Variants in TTLL5 observed in about 807,000 individuals in gnomAD.
TTLL5 encodes tubulin tyrosine ligase like 5.
In TTLL5, 132 loss-of-function variants were observed where a neutral mutation model predicts 168.4. The ratio of observed to expected loss-of-function variants is 0.78; its 90% CI spans 0.68 to 0.91. The LOEUF (loss-of-function observed/expected upper bound fraction) is 0.91, where lower values mean the gene tolerates loss of function less well. TTLL5 is among the 40% of genes least tolerant of loss of function. TTLL5 has a pLI of 0.00. For missense variants in TTLL5, 1,545 were observed against 1,581.5 expected, an observed-to-expected ratio of 0.98 and a Z score of 0.39; for synonymous variants, 546 against 558.6, an observed-to-expected ratio of 0.98 and a Z score of 0.32.
At chr14:75,763,275 G>C (rs1407402811) in intron 18 of TTLL5, among the ~76,000 whole-genome samples, 1 of 151,910 alleles carries the variant, frequency 6.6e-6, no homozygotes. Flanking sequence ...GTGTGTGTGT[G>C]TGTGTGTGTG....
chr14:75,696,389 A>C (rs534151964), intron 6 of TTLL5, among the ~76,000 whole-genome samples: 1 of 152,336 alleles, frequency 6.6e-6, no homozygotes, highest in South Asian at 2.1e-4. Context: ...GAGGTATTAA[A>C]TGAGTGACAT....
intron 29 of TTLL5, among the ~76,000 whole-genome samples, chr14:75,869,819 G>GTTTTTTTTTTTTTTT (rs1232447597): frequency 1.1e-4 from 2 of 18,440 alleles, no homozygotes; most frequent in Non-Finnish European, 1.9e-4. Flanking sequence ...CATTCAACAA[G>GTTTTTTTTTTTTTTT]TATTTTTTTT....
At chr14:75,827,704 G>GTTTTTTT (rs1566621341) in intron 28 of TTLL5, among the ~76,000 whole-genome samples, 22 of 92,522 alleles carry the variant, frequency 2.4e-4, no homozygotes, top group East Asian at 1.1e-3. Flanking sequence ...ATTTGGCTTG[G>GTTTTTTT]TTCTTTTTTT....
chr14:75,872,650 C>G (rs751669858), intron 29 of TTLL5, among the ~76,000 whole-genome samples: 1 of 152,050 alleles, frequency 6.6e-6, no homozygotes, highest in Non-Finnish European at 1.5e-5. Context: ...TGGCTCACAC[C>G]CATAATCCCA....
chr14:75,931,808 C>G (rs1047943069), intron 31 of TTLL5, among the ~76,000 whole-genome samples: 1 of 152,178 alleles, frequency 6.6e-6, no homozygotes, highest in South Asian at 2.1e-4. Flanking sequence ...AAGATGTTTC[C>G]TCTTCCTAGA....
At chr14:75,804,422 G>T (rs191196480) in intron 27 of TTLL5, among the ~76,000 whole-genome samples, 1 of 152,236 alleles carries the variant, frequency 6.6e-6, no homozygotes, top group Non-Finnish European at 1.5e-5. Flanking sequence ...CAAATGAAGA[G>T]AGACGGAGCT....
At chr14:75,954,380 T>C (rs1566675593) in intron 31 of TTLL5, 44 bp from the exon 32 acceptor site, 1 of 1,610,156 alleles carries the variant, frequency 6.2e-7, no homozygotes, top group Non-Finnish European at 8.5e-7. Context: ...TAAAACCCCA[T>C]GCTGTCATTT....
chr14:75,701,804 G>T (rs1268188016), intron 7 of TTLL5, among the ~76,000 whole-genome samples: 2 of 152,202 alleles, frequency 1.3e-5, no homozygotes, highest in Non-Finnish European at 2.9e-5. Context: ...TTGGAAATTT[G>T]CAGGAGCCTC....
intron 9 of TTLL5, among the ~76,000 whole-genome samples, chr14:75,714,238 T>C (rs1887282017): frequency 6.6e-6 from 1 of 152,196 alleles, no homozygotes; most frequent in Admixed American, 6.5e-5. Flanking sequence ...TGATGGCACA[T>C]GCTAGTCATT....
intron 31 of TTLL5, among the ~76,000 whole-genome samples, chr14:75,913,839 C>A (rs1213327711): frequency 1.3e-5 from 2 of 150,824 alleles, no homozygotes; most frequent in Non-Finnish European, 2.9e-5. Context: ...CATAACGAAA[C>A]CCTGTCTCTA....
chr14:75,729,697 G>A (rs1888410586), intron 12 of TTLL5, among the ~76,000 whole-genome samples: 1 of 152,208 alleles, frequency 6.6e-6, no homozygotes, highest in Non-Finnish European at 1.5e-5. Context: ...TATGTGTACA[G>A]ATGTAGTTAG....
chr14:75,836,637 A>G (rs1895883270), intron 28 of TTLL5, among the ~76,000 whole-genome samples: 3 of 152,324 alleles, frequency 2.0e-5, no homozygotes, highest in South Asian at 4.1e-4. Context: ...TACACATTGC[A>G]TGCCTTTATC....
At chr14:75,890,311 A>G (rs1463066072) in intron 30 of TTLL5, among the ~76,000 whole-genome samples, 2 of 152,348 alleles carry the variant, frequency 1.3e-5, no homozygotes, top group African/African-American at 4.8e-5. Context: ...GAAGAAAAGT[A>G]ATATAAAGTG....
chr14:75,739,280 A>G (rs1566582850), intron 15 of TTLL5, among the ~76,000 whole-genome samples: 1 of 152,112 alleles, frequency 6.6e-6, no homozygotes. Flanking sequence ...TTCTGGCTTT[A>G]TTCAGCCAGC....
intron 5 of TTLL5, among the ~76,000 whole-genome samples, chr14:75,686,454 G>C (rs1225997677): frequency 6.6e-6 from 1 of 152,154 alleles, no homozygotes; most frequent in Non-Finnish European, 1.5e-5. Context: ...CCATCTGGAA[G>C]GGTCATTTCA....
chr14:75,741,251 C>G (rs1026504953), intron 15 of TTLL5, among the ~76,000 whole-genome samples: 4 of 152,138 alleles, frequency 2.6e-5, no homozygotes, highest in African/African-American at 9.7e-5. Context: ...TGGCAGAATT[C>G]TTGACAGTAA....
chr14:75,907,414 T>C (rs2033188830), intron 31 of TTLL5, among the ~76,000 whole-genome samples: 1 of 152,210 alleles, frequency 6.6e-6, no homozygotes, highest in African/African-American at 2.4e-5. Context: ...GATAATTCCT[T>C]TCCTCTTTGT....
intron 27 of TTLL5, among the ~76,000 whole-genome samples, chr14:75,815,692 T>C (rs1223425673): frequency 6.6e-6 from 1 of 152,272 alleles, no homozygotes; most frequent in African/African-American, 2.4e-5. Context: ...CTGTATCTGA[T>C]GATATTTTAA....
chr14:75,847,711 C>T (rs1377253217), intron 28 of TTLL5: 4 of 151,982 alleles, frequency 2.6e-5, no homozygotes, highest in Admixed American at 2.6e-4. Flanking sequence ...AGGATCCAAG[C>T]CCAAGCAATA....
Sources: allele counts gnomAD v4.1 joint callset (sites outside exome capture counted in the v4.1 genomes callset), GRCh38; gene constraint gnomAD v4.1.1; transcripts MANE v1.5; gene names NCBI Gene and HGNC (gene_info 2026-07-23, HGNC 2026-07-21).